The following MVB12B variants were observed in gnomAD, a reference collection of about 807,000 sequenced individuals.
The protein encoded by MVB12B is ESCRT-I complex subunit MVB12B.
Under a neutral mutation model 41.6 loss-of-function variants are expected in MVB12B, and 16 were observed. The ratio of observed to expected loss-of-function variants is 0.38; its 90% CI spans 0.26 to 0.58. The LOEUF is 0.58. Among genes scored for constraint, MVB12B ranks in the 20% least tolerant of loss-of-function variants. The pLI is 0.62. For missense variants in MVB12B, 274 were observed against 380.2 expected (o/e 0.72, Z 2.32); for synonymous variants, 133 against 139.7 (o/e 0.95, Z 0.34).
rs1250526768 is a variant in MVB12B at position 126,471,624 on chromosome 9, G to A, written c.758-9745G>A. 4.6e-5 allele frequency among the ~76,000 whole-genome samples: 7 copies of A among 152,144 alleles called. No individual in the cohort carries two copies. The South Asian group carries it at 6.2e-4, about 14-fold the overall frequency. On this transcript the variant is annotated intron_variant, in intron 7 of 9. Transcript: ENST00000361171. ...TCACCAAGAAAGCAAAACAGGCTCC[G>A]TGTTTTGGTTTGCAAATGAGTTTTG... is the stretch of plus-strand genomic sequence containing the variant.
At chr9:126,434,965 C>T (rs1387009725) in intron 7 of MVB12B, among the ~76,000 whole-genome samples, 1 of 152,162 alleles carries the variant, frequency 6.6e-6, no homozygotes, top group Non-Finnish European at 1.5e-5. Flanking sequence ...TTCCATGACA[C>T]TCAATGTTTC....
At chr9:126,400,760 C>T (rs1286201246) in intron 6 of MVB12B, among the ~76,000 whole-genome samples, 2 of 152,238 alleles carry the variant, frequency 1.3e-5, no homozygotes, top group African/African-American at 4.8e-5. Context: ...AGAGTTGCTG[C>T]TGTGCAGCCT....
chr9:126,364,096 T>C (rs967991888), intron 2 of MVB12B, among the ~76,000 whole-genome samples: 3 of 152,172 alleles, frequency 2.0e-5, no homozygotes, highest in African/African-American at 4.8e-5. Flanking sequence ...GCTGGCTCCT[T>C]TCTGTTTGGC....
At chr9:126,451,942 C>G (rs1391960708) in intron 7 of MVB12B, among the ~76,000 whole-genome samples, 1 of 152,148 alleles carries the variant, frequency 6.6e-6, no homozygotes, top group Non-Finnish European at 1.5e-5. Flanking sequence ...TTGAGGACAC[C>G]TGGAATGCCG....
intron 6 of MVB12B, among the ~76,000 whole-genome samples, chr9:126,413,851 T>TGTGTGC (rs397837020): frequency 1.4e-5 from 2 of 143,398 alleles, no homozygotes; most frequent in Non-Finnish European, 1.6e-5. Flanking sequence ...TGTGTGTGTG[T>TGTGTGC]GTATAAGGGT....
intron 6 of MVB12B, among the ~76,000 whole-genome samples, chr9:126,420,538 G>A (rs1831972644): frequency 6.8e-6 from 1 of 146,650 alleles, no homozygotes; most frequent in African/African-American, 2.5e-5. Context: ...TCCCCTCCCT[G>A]GAGAGCCTTT....
intron 6 of MVB12B, among the ~76,000 whole-genome samples, chr9:126,399,967 G>A (rs1244888061): frequency 6.6e-6 from 1 of 152,190 alleles, no homozygotes; most frequent in East Asian, 1.9e-4. Context: ...CATCACACAG[G>A]AGCCAAACTG....
chr9:126,453,680 A>G (rs768267850), intron 7 of MVB12B, among the ~76,000 whole-genome samples: 30 of 152,168 alleles, frequency 2.0e-4, no homozygotes, highest in Admixed American at 3.3e-4. Context: ...ACAATCTCAC[A>G]TGCGTTACGT....
intron 7 of MVB12B, among the ~76,000 whole-genome samples, chr9:126,441,700 C>T (rs1304890952): frequency 6.8e-6 from 1 of 146,350 alleles, no homozygotes; most frequent in Non-Finnish European, 1.6e-5. Context: ...GCACAATTTC[C>T]CTAATAGCTA....
intron 6 of MVB12B, among the ~76,000 whole-genome samples, chr9:126,412,009 G>A (rs1831665138): frequency 6.6e-6 from 1 of 152,140 alleles, no homozygotes; most frequent in South Asian, 2.1e-4. Context: ...AGGGTGATCC[G>A]ATACCTGAGC....
intron 9 of MVB12B, among the ~76,000 whole-genome samples, chr9:126,488,237 A>G (rs529819242): frequency 6.0e-5 from 9 of 150,686 alleles, no homozygotes; most frequent in African/African-American, 2.2e-4. Context: ...TGTGCCTTCC[A>G]TTTATAACAG....
Position 126,395,908 on chromosome 9 carries a change from G to A in MVB12B, c.662+211G>A. On this transcript the variant is annotated intron_variant, in intron 6 of 9. Coordinates refer to ENST00000361171, the MANE Select transcript of MVB12B (RefSeq NM_033446.3). The surrounding 1 kb of genome is among the most constrained non-coding windows in gnomAD (Gnocchi z 4.9). ...AAGGCCATTCTATAGTCTATTTTGTGCGTGTTCTGCAGGCTTCTAAAATTG... is the reference window on the plus strand; with the variant it reads ...AAGGCCATTCTATAGTCTATTTTGTACGTGTTCTGCAGGCTTCTAAAATTG... 7.3e-7 allele frequency: 1 copy of A among 1,375,720 alleles called. No individual in the cohort carries two copies. The highest frequency in any genetic ancestry group is 1.7e-5 in the South Asian group (1 of 58,034). The allele number at this position is 1,375,720 out of a possible 1,614,324, so 85.2% of individuals were successfully genotyped here.
intron 2 of MVB12B, among the ~76,000 whole-genome samples, chr9:126,373,870 G>C (rs935209029): frequency 1.3e-5 from 2 of 152,124 alleles, no homozygotes; most frequent in African/African-American, 2.4e-5. Context: ...GGAAAAAAAA[G>C]AACATTAAAA....
intron 2 of MVB12B, among the ~76,000 whole-genome samples, chr9:126,341,608 C>G (rs1829447104): frequency 1.3e-5 from 2 of 152,198 alleles, no homozygotes; most frequent in South Asian, 4.1e-4. Context: ...AGAAGAAGCC[C>G]TAAGGCAGGG....
intron 1 of MVB12B, chr9:126,335,251 T>C: frequency 8.3e-7 from 1 of 1,211,958 alleles, no homozygotes; most frequent in Non-Finnish European, 1.1e-6. Context: ...CCAGGTAATC[T>C]GTCCAAAGTT....
Position 126,459,791 on chromosome 9 carries a change from C to G in MVB12B, c.758-21578C>G, listed in dbSNP as rs765059469. ...GCCTGCCCCGCTCACTTGGACCTGC[C>G]ACTCTCCCACAGGGGCCGCTTGTCT... On this transcript the variant is annotated intron_variant, in intron 7 of 9. Coordinates refer to ENST00000361171, the MANE Select transcript of MVB12B (RefSeq NM_033446.3). The surrounding 1 kb of genome is among the most constrained non-coding windows in gnomAD (Gnocchi z 4.3). Among the ~76,000 whole-genome samples the G allele has an allele frequency of 8.5e-4, 129 of 152,162 alleles. 2 individuals carry two copies. Among genetic ancestry groups the G allele is most frequent in the Non-Finnish European group, 3.4e-4 (23 of 68,030 alleles).
At chr9:126,393,923 C>T (rs1324842154) in intron 5 of MVB12B, among the ~76,000 whole-genome samples, 1 of 152,238 alleles carries the variant, frequency 6.6e-6, no homozygotes, top group Non-Finnish European at 1.5e-5. Context: ...TTTGTATCAG[C>T]CAGGGCCTTT....
chr9:126,343,504 A>C (rs959139796), intron 2 of MVB12B, among the ~76,000 whole-genome samples: 2 of 152,164 alleles, frequency 1.3e-5, no homozygotes, highest in Non-Finnish European at 2.9e-5. Context: ...TTTACAAGCC[A>C]CTCTGGGATG....
At chr9:126,461,341 A>C (rs1833084922) in intron 7 of MVB12B, among the ~76,000 whole-genome samples, 1 of 152,238 alleles carries the variant, frequency 6.6e-6, no homozygotes, top group African/African-American at 2.4e-5. Flanking sequence ...GTTTGTAATT[A>C]AAACAATCGA....
Sources: gnomAD v4.1 joint callset for allele counts (sites outside exome capture counted in the v4.1 genomes callset) on GRCh38, gnomAD v4.1.1 for gene constraint, Gnocchi (gnomAD v3.1) non-coding constraint, MANE v1.5 for transcripts, NCBI Gene and HGNC (gene_info 2026-07-23, HGNC 2026-07-21) for gene names.